Variants in KCNQ1 observed in about 807,000 individuals in gnomAD.
The protein encoded by KCNQ1 is potassium voltage-gated channel subfamily Q member 1.
A neutral mutation model predicts 72.4 loss-of-function variants in KCNQ1; 49 were observed. The observed-to-expected ratio is 0.68, with a 90% CI of 0.54 to 0.86. The LOEUF is 0.86. Ranked by LOEUF, KCNQ1 falls within the 40% of genes least tolerant of loss-of-function variation. The pLI, the probability that KCNQ1 is intolerant of heterozygous loss-of-function variation, is 0.00. For synonymous variants in KCNQ1, 450 were observed against 412.6 expected, an observed-to-expected ratio of 1.09 and a Z score of -1.10; for missense variants, 790 against 945.1, an observed-to-expected ratio of 0.84 and a Z score of 2.15.
chr11:2,690,172 G>C lies in KCNQ1; in HGVS notation c.1514+28091G>C. 1 of 398,824 alleles carries C rather than the reference G, an allele frequency of 2.5e-6. No homozygotes were observed. The highest frequency in any genetic ancestry group is 4.4e-6 in the Non-Finnish European group (1 of 226,216). The allele number at this position is 398,824 out of a possible 1,614,324, so 24.7% of individuals were successfully genotyped here. A position where few individuals can be genotyped will look rare whatever the true frequency, so the allele number is the denominator to read the frequency against. ...TCCCCAGCATGACAGGATGTGGAAG[G>C]CTGGTCTCTCCAGAGACTGGGCTAA... On this transcript the variant is annotated intron_variant, in intron 11 of 15. Coordinates refer to ENST00000155840, the MANE Select transcript of KCNQ1 (RefSeq NM_000218.3). The surrounding 1 kb of genome is among the most constrained non-coding windows in gnomAD (Gnocchi z 5.1).
chr11:2,740,051 C>T (rs960153869), intron 11 of KCNQ1, among the ~76,000 whole-genome samples: 6 of 152,238 alleles, frequency 3.9e-5, no homozygotes, highest in Admixed American at 6.5e-5. Flanking sequence ...TCACCCTGAG[C>T]GTGCTGCTGC....
In KCNQ1 at chr11:2,826,260, G is replaced by A. The variant is rs762320225; in HGVS notation, c.1795-21507G>A. ...CAGCTGTGACTTGGAAGGAAAGAGG[G>A]CCCGGCCTTTGAAAAATGAAGAAAT... is the stretch of plus-strand genomic sequence containing the variant. On this transcript the variant is annotated intron_variant, in intron 15 of 15. Coordinates refer to ENST00000155840, the MANE Select transcript of KCNQ1 (RefSeq NM_000218.3). The surrounding 1 kb of genome is among the most constrained non-coding windows in gnomAD (Gnocchi z 4.2). Among the ~76,000 whole-genome samples, 1 of 152,196 alleles carries A rather than the reference G, an allele frequency of 6.6e-6. No homozygotes were observed. The highest frequency in any genetic ancestry group is 2.4e-5 in the African/African-American group (1 of 41,454).
chr11:2,657,411 G>A lies in KCNQ1; in HGVS notation c.1394-4550G>A, dbSNP rs1004793427. 2.5e-6 allele frequency: 1 copy of A among 398,498 alleles called. No homozygotes were observed. 24.7% of individuals were successfully genotyped at this position (398,498 alleles called of 1,614,324 possible). ...CTAAAGTTTTACAATTTTCTCCAGA[G>A]TTCTTGCATATACTTAGTTAGATAA... On this transcript the variant is annotated intron_variant, in intron 10 of 15. Coordinates refer to ENST00000155840, the MANE Select transcript of KCNQ1 (RefSeq NM_000218.3). This position sits in a 1 kb window ranked among gnomAD's most constrained non-coding sequence, Gnocchi z 4.8.
chr11:2,528,067 C>A, intron 2 of KCNQ1, 49 bp downstream of exon 2: 1 of 1,483,660 alleles, frequency 6.7e-7, no homozygotes. Flanking sequence ...GCCTTGGAAG[C>A]TGGCATCTCC....
chr11:2,704,280 A>G lies in KCNQ1; in HGVS notation c.1514+42199A>G, dbSNP rs957003148. ...TGGCCTGTGTGTCGCCTGCACCTGC[A>G]TTCCACTGGGGCTTCCCTTCCAACT... On this transcript the variant is annotated intron_variant, in intron 11 of 15. Transcript: ENST00000155840. The surrounding 1 kb of genome is among the most constrained non-coding windows in gnomAD (Gnocchi z 4.3). Among the ~76,000 whole-genome samples, 11 of 152,212 alleles carry G rather than the reference A, an allele frequency of 7.2e-5. No individual in the cohort carries two copies. The highest frequency in any genetic ancestry group is 2.9e-5 in the Non-Finnish European group (2 of 68,042).
intron 1 of KCNQ1, among the ~76,000 whole-genome samples, chr11:2,455,514 A>G (rs1846179201): frequency 6.6e-6 from 1 of 152,202 alleles, no homozygotes; most frequent in Admixed American, 6.5e-5. Context: ...CTAACCAAGG[A>G]GGTGAAAGAT....
chr11:2,570,446 C>T (rs571067247), intron 2 of KCNQ1, among the ~76,000 whole-genome samples, 182 bp from the exon 3 acceptor site: 2 of 152,342 alleles, frequency 1.3e-5, no homozygotes, highest in Non-Finnish European at 2.9e-5. Flanking sequence ...TGAAGCTGCT[C>T]AGCCTTCCAG....
intron 10 of KCNQ1, chr11:2,615,854 G>T (rs1849052908): frequency 2.5e-6 from 1 of 397,714 alleles, no homozygotes; most frequent in African/African-American, 2.1e-5. Flanking sequence ...GTCTGGCTTT[G>T]GAATCCATGT....
rs951212782 is a variant in KCNQ1 at position 2,709,530 on chromosome 11, A to G, written c.1514+47449A>G. ...TCACCCATTTAAAGTGTACGATTCA[A>G]CGGTTTTTAGTACGTTCAGAGTTGC... On this transcript the variant is annotated intron_variant, in intron 11 of 15. Coordinates refer to ENST00000155840, the MANE Select transcript of KCNQ1 (RefSeq NM_000218.3). Among the ~76,000 whole-genome samples the G allele has an allele frequency of 6.6e-5, 10 of 151,984 alleles. 1 individual carries two copies. Among genetic ancestry groups the G allele is most frequent in the African/African-American group, 1.7e-4 (7 of 41,354 alleles).
rs11023831 is a variant in KCNQ1 at position 2,695,821 on chromosome 11, A to T, written c.1514+33740A>T. On this transcript the variant is annotated intron_variant, in intron 11 of 15. Coordinates refer to ENST00000155840, the MANE Select transcript of KCNQ1 (RefSeq NM_000218.3). This position sits in a 1 kb window ranked among gnomAD's most constrained non-coding sequence, Gnocchi z 5.2. ...AAGAATAGCTGTTGCTTTCATTTAC[A>T]TTTCTCTGATAACTGATTAGCTTGG... The T allele has an allele frequency of 0.095, 37,894 of 398,348 alleles. 2,188 individuals are homozygous for T. Among genetic ancestry groups the T allele is most frequent in the African/African-American group, 0.15 (7,137 of 48,632 alleles). The allele number at this position is 398,348 out of a possible 1,614,324, so 24.7% of individuals were successfully genotyped here.
In KCNQ1 at chr11:2,549,404, C is replaced by T. The variant is rs1847945866; in HGVS notation, c.478-21224C>T. Reference sequence around the variant, plus strand: ...GCCATCCTCTCTCCACACATCTGACCTTTGCCTGCTTTGGGGGCAGTTTGA... The same window carrying T: ...GCCATCCTCTCTCCACACATCTGACTTTTGCCTGCTTTGGGGGCAGTTTGA... On this transcript the variant is annotated intron_variant, in intron 2 of 15. Coordinates refer to ENST00000155840, the MANE Select transcript of KCNQ1 (RefSeq NM_000218.3). The surrounding 1 kb of genome is among the most constrained non-coding windows in gnomAD (Gnocchi z 6.2). Among the ~76,000 whole-genome samples the T allele has an allele frequency of 1.3e-5, 2 of 152,174 alleles. No homozygotes were observed. The highest frequency in any genetic ancestry group is 2.9e-5 in the Non-Finnish European group (2 of 68,026).
Position 2,567,851 on chromosome 11 carries a change from C to T in KCNQ1, c.478-2777C>T, listed in dbSNP as rs866209064. On this transcript the variant is annotated intron_variant, in intron 2 of 15. Transcript: ENST00000155840. This position sits in a 1 kb window ranked among gnomAD's most constrained non-coding sequence, Gnocchi z 6.6. ...AGGTCAAAATAACTTTAAAAAGACACGCAGCTATCCACAGCAATCCTTAAT... is the reference window on the plus strand; with the variant it reads ...AGGTCAAAATAACTTTAAAAAGACATGCAGCTATCCACAGCAATCCTTAAT... Among the ~76,000 whole-genome samples the T allele has an allele frequency of 1.8e-4, 27 of 152,370 alleles. No homozygotes were observed. The highest frequency in any genetic ancestry group is 3.4e-3 in the Middle Eastern group (1 of 294).
chr11:2,457,198 G>A lies in KCNQ1; in HGVS notation c.386+11714G>A, dbSNP rs575660636. Reference sequence around the variant, plus strand: ...AGGGGAACACTTACACCCTGTTGACGGGAGTGTAAATGAGTCCAGCCACCA... The same window carrying A: ...AGGGGAACACTTACACCCTGTTGACAGGAGTGTAAATGAGTCCAGCCACCA... On this transcript the variant is annotated intron_variant, in intron 1 of 15. Coordinates refer to ENST00000155840, the MANE Select transcript of KCNQ1 (RefSeq NM_000218.3). The surrounding 1 kb of genome is among the most constrained non-coding windows in gnomAD (Gnocchi z 5.0). Among the ~76,000 whole-genome samples, 11 of 152,126 alleles carry A rather than the reference G, an allele frequency of 7.2e-5. No homozygotes were observed. Among genetic ancestry groups the A allele is most frequent in the South Asian group, 4.1e-4 (2 of 4,822 alleles).
rs910215504 is a variant in KCNQ1 at position 2,493,915 on chromosome 11, T to A, written c.387-34013T>A. 1.3e-5 allele frequency among the ~76,000 whole-genome samples: 2 copies of A among 152,222 alleles called. No individual in the cohort carries two copies. Among genetic ancestry groups the A allele is most frequent in the Non-Finnish European group, 2.9e-5 (2 of 68,034 alleles). Reference sequence around the variant, plus strand: ...CAATGATAGCTTGATGGGAATAGCATTGAATCTATAAATTACTTTGGGCAG... The same window carrying A: ...CAATGATAGCTTGATGGGAATAGCAATGAATCTATAAATTACTTTGGGCAG... On this transcript the variant is annotated intron_variant, in intron 1 of 15. Coordinates refer to ENST00000155840, the MANE Select transcript of KCNQ1 (RefSeq NM_000218.3). This position sits in a 1 kb window ranked among gnomAD's most constrained non-coding sequence, Gnocchi z 5.3.
At position 2,621,384 on chromosome 11, in the gene KCNQ1, A is replaced by T. The variant is rs538476426; in HGVS notation, c.1393+32530A>T. On this transcript the variant is annotated intron_variant, in intron 10 of 15. Coordinates refer to ENST00000155840, the MANE Select transcript of KCNQ1 (RefSeq NM_000218.3). The surrounding 1 kb of genome is among the most constrained non-coding windows in gnomAD (Gnocchi z 5.7). The stretch of plus-strand genomic sequence containing the variant: ...TATGTTCCTGTCCTTTGCCAATTCA[A>T]TTGGATTATTCGTTTTTTGCTTGTT... 1 of 398,378 alleles carries T rather than the reference A, an allele frequency of 2.5e-6. No individual in the cohort carries two copies. Among genetic ancestry groups the T allele is most frequent in the African/African-American group, 2.1e-5 (1 of 48,578 alleles). 24.7% of individuals were successfully genotyped at this position (398,378 alleles called of 1,614,324 possible).
intron 11 of KCNQ1, among the ~76,000 whole-genome samples, chr11:2,707,441 T>C (rs1850928633): frequency 6.6e-6 from 1 of 152,200 alleles, no homozygotes; most frequent in African/African-American, 2.4e-5. Context: ...GCCCTCCCTT[T>C]TGGGGACTGT....
intron 2 of KCNQ1, among the ~76,000 whole-genome samples, chr11:2,554,852 C>A (rs1475927245): frequency 6.6e-6 from 1 of 152,208 alleles, no homozygotes; most frequent in Admixed American, 6.5e-5. Context: ...GCACAATTTC[C>A]TCTCAATCCC....
chr11:2,628,824 T>C, intron 10 of KCNQ1: 1 of 398,400 alleles, frequency 2.5e-6, no homozygotes. Flanking sequence ...ATTTAATTTT[T>C]TTGCATGTGG....
chr11:2,624,931 A>C lies in KCNQ1; in HGVS notation c.1393+36077A>C. ...TGTGTCAAAATTTCTATTTTTTTTAAAGCTGAATAATATTACATTGTATGT... is the reference window on the plus strand; with the variant it reads ...TGTGTCAAAATTTCTATTTTTTTTACAGCTGAATAATATTACATTGTATGT... On this transcript the variant is annotated intron_variant, in intron 10 of 15. Coordinates refer to ENST00000155840, the MANE Select transcript of KCNQ1 (RefSeq NM_000218.3). This position sits in a 1 kb window ranked among gnomAD's most constrained non-coding sequence, Gnocchi z 4.9. The C allele has an allele frequency of 2.5e-6, 1 of 398,494 alleles. No individual in the cohort carries two copies. Among genetic ancestry groups the C allele is most frequent in the Non-Finnish European group, 4.4e-6 (1 of 226,050 alleles). The allele number at this position is 398,494 out of a possible 1,614,324, so 24.7% of individuals were successfully genotyped here.
Sources: allele counts gnomAD v4.1 joint callset (sites outside exome capture counted in the v4.1 genomes callset), GRCh38; gene constraint gnomAD v4.1.1; non-coding constraint Gnocchi (gnomAD v3.1); transcripts MANE v1.5; gene names NCBI Gene and HGNC (gene_info 2026-07-23, HGNC 2026-07-21).